HDAC4: variants seen among roughly 807,000 people sequenced by gnomAD.
The protein encoded by HDAC4 is histone deacetylase A.
Under a neutral mutation model 135.1 loss-of-function variants are expected in HDAC4, and 16 were observed. The observed-to-expected ratio is 0.12, with a 90% CI of 0.08 to 0.18. HDAC4 has a LOEUF of 0.18. Among genes scored for constraint, HDAC4 ranks in the 10% least tolerant of loss-of-function variants. The probability of loss-of-function intolerance (pLI) is 1.00; values close to 1 mark genes in which losing one functional copy is unlikely to be tolerated. For synonymous variants in HDAC4, 685 were observed against 653.4 expected (o/e 1.05, Z -0.74); for missense variants, 1,143 against 1,511.8 (o/e 0.76, Z 4.05).
chr2:239,329,835 A>G (rs1451932233), intron 2 of HDAC4, among the ~76,000 whole-genome samples: 1 of 151,984 alleles, frequency 6.6e-6, no homozygotes, highest in Non-Finnish European at 1.5e-5. Context: ...CGACAACCCT[A>G]TAAGGTGAAG....
At chr2:239,161,026 T>G (rs1488787849) in intron 6 of HDAC4, among the ~76,000 whole-genome samples, 1 of 152,208 alleles carries the variant, frequency 6.6e-6, no homozygotes, top group Non-Finnish European at 1.5e-5. Context: ...TTGATTTGCA[T>G]TTACCTGATG....
intron 2 of HDAC4, among the ~76,000 whole-genome samples, chr2:239,282,282 TACAATGTACACACCACTCTACAC>T (rs2050822967): frequency 2.2e-5 from 3 of 135,398 alleles, no homozygotes; most frequent in South Asian, 2.5e-4. Flanking sequence ...CACACCACTC[TACAATGTACACACCACTCTACAC>T]ACAATGTACA....
chr2:239,114,844 G>A (rs1012653167), intron 13 of HDAC4, among the ~76,000 whole-genome samples: 2 of 152,130 alleles, frequency 1.3e-5, no homozygotes, highest in Non-Finnish European at 2.9e-5. Context: ...ACCCACAGGG[G>A]GCAAACATCT....
chr2:239,182,056 C>T (rs2044186213), intron 4 of HDAC4, among the ~76,000 whole-genome samples: 1 of 152,166 alleles, frequency 6.6e-6, no homozygotes, highest in Non-Finnish European at 1.5e-5. Flanking sequence ...AACATCTGGG[C>T]ATGTACAGAT....
At position 239,240,810 on chromosome 2, in the gene HDAC4, G is replaced by A. The variant is rs1051704956; in HGVS notation, c.23-4146C>T. ...ATCACTCTTGCCAGGAGTCCCTTTC[G>A]CGCCGACAGGACCCAGCCTGAACTG... On this transcript the variant is annotated intron_variant, in intron 2 of 26. Coordinates refer to ENST00000543185, the MANE Select transcript of HDAC4 (RefSeq NM_001378414.1). This position sits in a 1 kb window ranked among gnomAD's most constrained non-coding sequence, Gnocchi z 4.5. 3.3e-5 allele frequency among the ~76,000 whole-genome samples: 5 copies of A among 152,182 alleles called. No homozygotes were observed. The highest frequency in any genetic ancestry group is 2.0e-4 in the Admixed American group (3 of 15,280).
intron 2 of HDAC4, among the ~76,000 whole-genome samples, chr2:239,315,008 C>T (rs1420258762): frequency 6.6e-6 from 1 of 152,216 alleles, no homozygotes; most frequent in Admixed American, 6.5e-5. Flanking sequence ...TCTATTCTCT[C>T]TGAAGCCTGC....
chr2:239,148,583 C>T (rs570813627), intron 7 of HDAC4, among the ~76,000 whole-genome samples: 2 of 152,194 alleles, frequency 1.3e-5, no homozygotes, highest in Admixed American at 6.5e-5. Context: ...ACCTGAAAAC[C>T]CTGCAGGAAA....
At chr2:239,375,335 T>C (rs1407777864) in intron 1 of HDAC4, among the ~76,000 whole-genome samples, 6 of 70,602 alleles carry the variant, frequency 8.5e-5, no homozygotes, top group Admixed American at 1.9e-4. Flanking sequence ...CATCCACGCA[T>C]GTCCCTAAAT....
chr2:239,070,301 T>C (rs1044146767), intron 22 of HDAC4, among the ~76,000 whole-genome samples: 8 of 152,152 alleles, frequency 5.3e-5, no homozygotes. Context: ...TGATGACAAA[T>C]GTAAGAGAAT....
chr2:239,212,571 C>CT (rs1333963736), intron 3 of HDAC4, among the ~76,000 whole-genome samples: 2 of 152,216 alleles, frequency 1.3e-5, no homozygotes, highest in Non-Finnish European at 2.9e-5. Flanking sequence ...CATGTGACCC[C>CT]TCATCCCTTC....
At chr2:239,249,741 T>C (rs2048674792) in intron 2 of HDAC4, among the ~76,000 whole-genome samples, 1 of 150,758 alleles carries the variant, frequency 6.6e-6, no homozygotes, top group South Asian at 2.1e-4. Context: ...TCTAATCTTC[T>C]AAAATATTTA....
rs746294457 is a variant in HDAC4, at chr2:239,139,659, C to T, written c.978+25G>A. 9 of 1,599,170 alleles carry T rather than the reference C, an allele frequency of 5.6e-6. No homozygotes were observed. The highest frequency in any genetic ancestry group is 7.7e-6 in the Non-Finnish European group (9 of 1,166,358). Reference sequence around the variant, plus strand: ...CCCGAGTCCGACTCTAGCCGTAGGACACAGGACAAACGCTTCGCACTGACC... The same window carrying T: ...CCCGAGTCCGACTCTAGCCGTAGGATACAGGACAAACGCTTCGCACTGACC... On this transcript the variant is annotated intron_variant, in intron 9 of 26. Transcript: ENST00000543185. The surrounding 1 kb of genome is among the most constrained non-coding windows in gnomAD (Gnocchi z 5.3).
chr2:239,249,686 A>T (rs58616279), intron 2 of HDAC4, among the ~76,000 whole-genome samples: 9 of 151,756 alleles, frequency 5.9e-5, no homozygotes, highest in Admixed American at 5.9e-4. Context: ...CCTTTACTCT[A>T]CCCGAAATCT....
chr2:239,340,803 C>A lies in HDAC4; in HGVS notation c.22+11875G>T, dbSNP rs1692253715. On this transcript the variant is annotated intron_variant, in intron 2 of 26. Coordinates refer to ENST00000543185, the MANE Select transcript of HDAC4 (RefSeq NM_001378414.1). ...CCCAAGTCCACCCCTCCAGGCCAGG[C>A]ACCCTGGCCCCATCCTGATGCTGCA... is the stretch of plus-strand genomic sequence containing the variant. Among the ~76,000 whole-genome samples, 5 of 152,206 alleles carry A rather than the reference C, an allele frequency of 3.3e-5. No homozygotes were observed. In the South Asian group the frequency reaches 1.0e-3, roughly 31 times the overall value.
chr2:239,134,467 C>T (rs780702598), intron 10 of HDAC4, 24 bp from the exon 11 acceptor site: 5 of 1,613,646 alleles, frequency 3.1e-6, no homozygotes, highest in Non-Finnish European at 3.4e-6. Flanking sequence ...CCAGGATGCT[C>T]GGGTGGAAGG....
In HDAC4 at chr2:239,306,690, G is replaced by C. The variant is rs1422814105; in HGVS notation, c.22+45988C>G. On this transcript the variant is annotated intron_variant, in intron 2 of 26. Coordinates refer to ENST00000543185, the MANE Select transcript of HDAC4 (RefSeq NM_001378414.1). This position sits in a 1 kb window ranked among gnomAD's most constrained non-coding sequence, Gnocchi z 4.5. Reference sequence around the variant, plus strand: ...GTGATGGCAGAACCCAGGTCCTCGGGCGCAGAGCATCCAGGGCCCAGGGCC... The same window carrying C: ...GTGATGGCAGAACCCAGGTCCTCGGCCGCAGAGCATCCAGGGCCCAGGGCC... Among the ~76,000 whole-genome samples the C allele has an allele frequency of 6.6e-6, 1 of 152,154 alleles. No individual in the cohort carries two copies. Among genetic ancestry groups the C allele is most frequent in the Non-Finnish European group, 1.5e-5 (1 of 68,022 alleles).
At chr2:239,195,977 T>A (rs562565467) in intron 3 of HDAC4, among the ~76,000 whole-genome samples, 1 of 152,370 alleles carries the variant, frequency 6.6e-6, no homozygotes, top group Admixed American at 6.5e-5. Flanking sequence ...AGGACGCGAT[T>A]TCATGCCATC....
chr2:239,087,432 G>T (rs2036084421), intron 19 of HDAC4, 127 bp downstream of exon 19: 2 of 889,626 alleles, frequency 2.2e-6, no homozygotes, highest in African/African-American at 1.6e-5. Context: ...GCCGGCATGC[G>T]GCACATCCTG....
At chr2:239,113,822 C>CG (rs2038893796) in intron 13 of HDAC4, among the ~76,000 whole-genome samples, 1 of 152,138 alleles carries the variant, frequency 6.6e-6, no homozygotes, top group African/African-American at 2.4e-5. Flanking sequence ...CAGAGAGGCC[C>CG]GGGGCTTTCT....
Sources: gnomAD v4.1 joint callset for allele counts (sites outside exome capture counted in the v4.1 genomes callset) on GRCh38, gnomAD v4.1.1 for gene constraint, Gnocchi (gnomAD v3.1) non-coding constraint, MANE v1.5 for transcripts, NCBI Gene and HGNC (gene_info 2026-07-23, HGNC 2026-07-21) for gene names.